The following CADM1 variants were observed in gnomAD, a reference collection of about 807,000 sequenced individuals.
CADM1 encodes cell adhesion molecule 1, also known as TSLC-1.
CADM1 carries 15 observed loss-of-function variants against 53.1 expected under a neutral mutation model. The ratio of observed to expected loss-of-function variants is 0.28; its 90% CI spans 0.19 to 0.44. The LOEUF (loss-of-function observed/expected upper bound fraction) is 0.44, where lower values mean the gene tolerates loss of function less well. Ranked by LOEUF, CADM1 falls within the 20% of genes least tolerant of loss-of-function variation. CADM1 has a pLI of 1.00. For missense variants in CADM1, 434 were observed against 611.3 expected (o/e 0.71, Z 3.06); for synonymous variants, 281 against 243.0 (o/e 1.16, Z -1.45).
At chr11:115,333,412 AT>A (rs1438708667) in intron 1 of CADM1, among the ~76,000 whole-genome samples, 1 of 152,154 alleles carries the variant, frequency 6.6e-6, no homozygotes, top group Non-Finnish European at 1.5e-5. Flanking sequence ...GGAGGATCAA[AT>A]AAAAATGTAT....
chr11:115,408,022 G>A (rs1003281651), intron 1 of CADM1, among the ~76,000 whole-genome samples: 1 of 151,814 alleles, frequency 6.6e-6, no homozygotes, highest in African/African-American at 2.4e-5. Flanking sequence ...AGGGCTGGGT[G>A]TTGGGGGGTG....
At chr11:115,449,849 T>C (rs1042164413) in intron 1 of CADM1, among the ~76,000 whole-genome samples, 1 of 152,226 alleles carries the variant, frequency 6.6e-6, no homozygotes, top group African/African-American at 2.4e-5. Flanking sequence ...CATACACATG[T>C]GCACACACAT....
intron 1 of CADM1, among the ~76,000 whole-genome samples, chr11:115,302,704 A>C (rs1944261755): frequency 1.3e-5 from 2 of 152,096 alleles, no homozygotes; most frequent in South Asian, 2.1e-4. Context: ...AACCTGATAG[A>C]ATATAGGTAA....
At chr11:115,307,007 T>C (rs1274070386) in intron 1 of CADM1, among the ~76,000 whole-genome samples, 1 of 151,828 alleles carries the variant, frequency 6.6e-6, no homozygotes, top group African/African-American at 2.4e-5. Context: ...ATGGAGTGAG[T>C]GAGTGATGTA....
At chr11:115,326,417 CACAAA>C (rs759977403) in intron 1 of CADM1, among the ~76,000 whole-genome samples, 38 of 152,218 alleles carry the variant, frequency 2.5e-4, no homozygotes, top group Admixed American at 7.9e-4. Flanking sequence ...ATTCCTAAGT[CACAAA>C]ACAGCCACCA....
At chr11:115,504,134 T>A in intron 1 of CADM1, 137 bp downstream of exon 1, 1 of 1,318,340 alleles carries the variant, frequency 7.6e-7, no homozygotes, top group Non-Finnish European at 1.0e-6. Flanking sequence ...AGCCCTGAGT[T>A]TCCTCTCCAC....
chr11:115,220,475 T>C (rs1042405399), intron 5 of CADM1, among the ~76,000 whole-genome samples: 2 of 152,208 alleles, frequency 1.3e-5, no homozygotes, highest in Admixed American at 1.3e-4. Context: ...ATAACTGATT[T>C]TCCCAATTTA....
At chr11:115,343,207 C>T (rs1032973155) in intron 1 of CADM1, among the ~76,000 whole-genome samples, 1 of 152,116 alleles carries the variant, frequency 6.6e-6, no homozygotes. Flanking sequence ...GTTAATTGTC[C>T]AAGGTCAAAC....
chr11:115,478,546 C>A (rs1229498137), intron 1 of CADM1, among the ~76,000 whole-genome samples: 2 of 151,982 alleles, frequency 1.3e-5, no homozygotes, highest in African/African-American at 2.4e-5. Flanking sequence ...TTTTTAGACC[C>A]TTTAAATACA....
intron 1 of CADM1, among the ~76,000 whole-genome samples, chr11:115,448,032 C>T (rs746883631): frequency 2.6e-5 from 4 of 152,126 alleles, no homozygotes; most frequent in South Asian, 2.1e-4. Flanking sequence ...TTACAGTTAA[C>T]GAGTCACAGT....
At chr11:115,450,825 C>T (rs538728094) in intron 1 of CADM1, among the ~76,000 whole-genome samples, 258 of 152,314 alleles carry the variant, frequency 1.7e-3, no homozygotes, top group African/African-American at 5.5e-3. Context: ...ATGCTCCTTA[C>T]GTTACCAATC....
chr11:115,470,262 G>A (rs1387062966), intron 1 of CADM1, among the ~76,000 whole-genome samples: 3 of 152,074 alleles, frequency 2.0e-5, no homozygotes, highest in African/African-American at 7.2e-5. Context: ...CATTAATTAG[G>A]TGTGTTAGGA....
intron 1 of CADM1, among the ~76,000 whole-genome samples, chr11:115,273,848 G>A (rs932818176): frequency 6.6e-6 from 1 of 152,180 alleles, no homozygotes; most frequent in African/African-American, 2.4e-5. Flanking sequence ...TATAGCTCAT[G>A]ATAAATTCAA....
chr11:115,200,686 G>A (rs1940383796), intron 8 of CADM1, among the ~76,000 whole-genome samples: 5 of 152,144 alleles, frequency 3.3e-5, no homozygotes. Context: ...GTGGAGACGG[G>A]GCTTCCCCAT....
intron 1 of CADM1, among the ~76,000 whole-genome samples, chr11:115,481,795 T>C (rs1468926884): frequency 6.6e-6 from 1 of 152,130 alleles, no homozygotes; most frequent in Non-Finnish European, 1.5e-5. Context: ...TGAAACCAAC[T>C]TCCTCCCAAG....
chr11:115,435,806 A>G (rs1367550867), intron 1 of CADM1, among the ~76,000 whole-genome samples: 1 of 152,218 alleles, frequency 6.6e-6, no homozygotes, highest in East Asian at 1.9e-4. Context: ...CTGTTTTTGC[A>G]TTACAACAAC....
At chr11:115,262,473 G>A (rs1943005093) in intron 1 of CADM1, among the ~76,000 whole-genome samples, 1 of 152,148 alleles carries the variant, frequency 6.6e-6, no homozygotes, top group Non-Finnish European at 1.5e-5. Flanking sequence ...CCACGACTAG[G>A]TTAAGTGCCT....
chr11:115,449,712 C>T (rs1304698061), intron 1 of CADM1, among the ~76,000 whole-genome samples: 1 of 152,154 alleles, frequency 6.6e-6, no homozygotes, highest in Non-Finnish European at 1.5e-5. Flanking sequence ...AAAATGCTTT[C>T]GGTGTTTTAT....
At chr11:115,380,329 G>A (rs866115808) in intron 1 of CADM1, among the ~76,000 whole-genome samples, 5 of 152,056 alleles carry the variant, frequency 3.3e-5, no homozygotes, top group African/African-American at 7.2e-5. Context: ...CTCAGCCCTC[G>A]CATGCCAGTC....
Sources: allele counts gnomAD v4.1 joint callset (sites outside exome capture counted in the v4.1 genomes callset), GRCh38; gene constraint gnomAD v4.1.1; transcripts MANE v1.5; gene names NCBI Gene and HGNC (gene_info 2026-07-23, HGNC 2026-07-21).